The following GRAP2 variants were observed in gnomAD, a reference collection of about 807,000 sequenced individuals.
GRAP2 encodes GRB2-related adapter protein 2.
GRAP2 carries 31 observed loss-of-function variants against 43.5 expected under a neutral mutation model. The ratio of observed to expected loss-of-function variants is 0.71; its 90% CI spans 0.54 to 0.96. GRAP2 has a LOEUF of 0.96. Among genes scored for constraint, GRAP2 ranks in the 40% least tolerant of loss-of-function variants. The probability of loss-of-function intolerance (pLI) is 0.00; values close to 1 mark genes in which losing one functional copy is unlikely to be tolerated. For synonymous variants in GRAP2, 156 were observed against 164.8 expected (o/e 0.95, Z 0.41); for missense variants, 371 against 424.4 (o/e 0.87, Z 1.11).
Position 39,970,797 on chromosome 22 carries a change from G to A in GRAP2, c.814-108G>A, listed in dbSNP as rs2067232950. 9 of 1,033,006 alleles carry A rather than the reference G, an allele frequency of 8.7e-6. 1 individual carries two copies. In the South Asian group the frequency reaches 1.2e-4, roughly 14 times the overall value. 64.0% of individuals were successfully genotyped at this position (1,033,006 alleles called of 1,614,324 possible). On this transcript the variant is annotated intron_variant, in intron 7 of 7. Coordinates refer to ENST00000344138, the MANE Select transcript of GRAP2 (RefSeq NM_004810.4). ...TAAGCTGCAGAGGGGTCAGCCTTCAGGGAATGTTGCTCTCAAAGACTTGGA... is the reference window on the plus strand; with the variant it reads ...TAAGCTGCAGAGGGGTCAGCCTTCAAGGAATGTTGCTCTCAAAGACTTGGA...
At chr22:39,964,890 C>T (rs1044363308) in intron 4 of GRAP2, among the ~76,000 whole-genome samples, 4 of 152,130 alleles carry the variant, frequency 2.6e-5, no homozygotes, top group Admixed American at 2.6e-4. Context: ...TAAACCAACT[C>T]ATTTGAAAGA....
intron 1 of GRAP2, among the ~76,000 whole-genome samples, chr22:39,943,549 G>T (rs1275781584): frequency 6.6e-6 from 1 of 152,044 alleles, no homozygotes; most frequent in Non-Finnish European, 1.5e-5. Context: ...AGGTTGGCGG[G>T]GTGGGGGTTG....
chr22:39,910,482 C>T (rs549515821), intron 1 of GRAP2, among the ~76,000 whole-genome samples: 7 of 152,078 alleles, frequency 4.6e-5, no homozygotes, highest in Non-Finnish European at 7.4e-5. Context: ...AATCTCGGCT[C>T]ACTGCAACCT....
chr22:39,972,352 TG>T lies in GRAP2; in HGVS notation c.*1271del, dbSNP rs2067254430. Reference sequence around the variant, plus strand: ...CAAGTGCACTCGGAGTTTGTGGGTATGGGTGTGTACCCCTGCAGGTGTGCAC... The same window carrying T: ...CAAGTGCACTCGGAGTTTGTGGGTATGGTGTGTACCCCTGCAGGTGTGCAC... On this transcript the variant is annotated 3_prime_UTR_variant, in exon 8 of 8. Transcript: ENST00000344138. The T allele has an allele frequency of 6.6e-6, 1 of 152,364 alleles. No homozygotes were observed. Among genetic ancestry groups the T allele is most frequent in the Non-Finnish European group, 1.5e-5 (1 of 68,098 alleles). The allele number at this position is 152,364 out of a possible 1,614,324, so 9.4% of individuals were successfully genotyped here.
chr22:39,908,649 T>C (rs2066538874), intron 1 of GRAP2, among the ~76,000 whole-genome samples: 1 of 152,216 alleles, frequency 6.6e-6, no homozygotes, highest in Non-Finnish European at 1.5e-5. Flanking sequence ...CCTGCAGCTG[T>C]GAATGCAGAA....
chr22:39,958,090 C>T (rs998724734), intron 3 of GRAP2, among the ~76,000 whole-genome samples: 1 of 152,148 alleles, frequency 6.6e-6, no homozygotes, highest in South Asian at 2.1e-4. Context: ...TCCCCATGGG[C>T]TGTAGCTCCC....
At chr22:39,912,237 A>G (rs2066572235) in intron 1 of GRAP2, among the ~76,000 whole-genome samples, 1 of 152,222 alleles carries the variant, frequency 6.6e-6, no homozygotes, top group Non-Finnish European at 1.5e-5. Context: ...CCTGGGCAAC[A>G]TAGCGAGATC....
chr22:39,900,705 T>C (rs939503163), upstream of GRAP2, among the ~76,000 whole-genome samples: 1 of 152,200 alleles, frequency 6.6e-6, no homozygotes, highest in South Asian at 2.1e-4. Flanking sequence ...AAGAGTAATA[T>C]TAGAGGCTGA....
In GRAP2 at chr22:39,926,678, T is replaced by G. The variant is rs1601702711; in HGVS notation, c.-14-20415T>G. 3 of 985,306 alleles carry G rather than the reference T, an allele frequency of 3.0e-6. No individual in the cohort carries two copies. In the African/African-American group the frequency reaches 5.2e-5, roughly 17 times the overall value. The allele number at this position is 985,306 out of a possible 1,614,324, so 61.0% of individuals were successfully genotyped here. On this transcript the variant is annotated intron_variant, in intron 1 of 7. Coordinates refer to ENST00000344138, the MANE Select transcript of GRAP2 (RefSeq NM_004810.4). ...GGCTCTCAGGAGCTGTTTGGAAAAT[T>G]CGTTGCCATGCATGAGTCGGGGGAT...
At chr22:39,898,158 T>A (rs2066473081), upstream of GRAP2, among the ~76,000 whole-genome samples, 1 of 152,250 alleles carries the variant, frequency 6.6e-6, no homozygotes. Context: ...ATCCAGGAAG[T>A]ACTGGCTTCT....
At chr22:39,948,336 G>A (rs1338902352) in intron 2 of GRAP2, 1 of 152,020 alleles carries the variant, frequency 6.6e-6, no homozygotes, top group East Asian at 1.9e-4. Context: ...ACTGCTTTGG[G>A]GTCTTACGAA....
At chr22:39,964,508 C>T (rs1044803074) in intron 4 of GRAP2, 8 of 1,019,618 alleles carry the variant, frequency 7.8e-6, no homozygotes, top group East Asian at 2.4e-5. Flanking sequence ...GTGCTAAAAG[C>T]GAAGGTCGTG....
intron 1 of GRAP2, among the ~76,000 whole-genome samples, chr22:39,901,980 T>C (rs2066496390): frequency 2.0e-5 from 3 of 152,362 alleles, no homozygotes; most frequent in South Asian, 2.1e-4. Context: ...AACGTGAGGA[T>C]TGAACATACC....
chr22:39,917,056 A>G (rs1225117473), intron 1 of GRAP2, among the ~76,000 whole-genome samples: 1 of 152,262 alleles, frequency 6.6e-6, no homozygotes, highest in Non-Finnish European at 1.5e-5. Context: ...TTTGGTATTC[A>G]TTAGAAATCA....
rs73885609 is a variant in GRAP2, at chr22:39,908,262, C to T, written c.-15+6932C>T. 6.6e-3 allele frequency among the ~76,000 whole-genome samples: 1,003 copies of T among 152,322 alleles called. 14 individuals are homozygous for T. The highest frequency in any genetic ancestry group is 0.023 in the African/African-American group (952 of 41,554). ...ATAAGAGCTGGCATCCAATTCTTAA[C>T]GGATTCCCTTGCAATGTCCAAATCC... On this transcript the variant is annotated intron_variant, in intron 1 of 7. Transcript: ENST00000344138.
intron 2 of GRAP2, chr22:39,948,393 G>C (rs530176003): frequency 9.1e-4 from 138 of 152,252 alleles, no homozygotes; most frequent in African/African-American, 3.2e-3. Context: ...TGCCTTCTCT[G>C]TGGGGCACTG....
intron 2 of GRAP2, among the ~76,000 whole-genome samples, chr22:39,948,957 T>C (rs1386893384): frequency 6.6e-6 from 1 of 152,180 alleles, no homozygotes; most frequent in Admixed American, 6.5e-5. Context: ...ATTTTTCTTC[T>C]CACTCTGAGC....
In GRAP2 at chr22:39,971,405, T is replaced by C. The variant is rs1422099643; in HGVS notation, c.*321T>C. 1 of 317,094 alleles carries C rather than the reference T, an allele frequency of 3.2e-6. No individual in the cohort carries two copies. The highest frequency in any genetic ancestry group is 5.7e-6 in the Non-Finnish European group (1 of 174,394). 19.6% of individuals were successfully genotyped at this position (317,094 alleles called of 1,614,324 possible). A position where few individuals can be genotyped will look rare whatever the true frequency, so the allele number is the denominator to read the frequency against. Reference sequence around the variant, plus strand: ...CCTTCAGCTGTCACTGCTTCCTCCTTGTCTTGGGAATTTTCACGGAGAACA... The same window carrying C: ...CCTTCAGCTGTCACTGCTTCCTCCTCGTCTTGGGAATTTTCACGGAGAACA... On this transcript the variant is annotated 3_prime_UTR_variant, in exon 8 of 8. Transcript: ENST00000344138.
intron 1 of GRAP2, among the ~76,000 whole-genome samples, chr22:39,913,909 T>C (rs1350590474): frequency 6.6e-6 from 1 of 152,126 alleles, no homozygotes; most frequent in Non-Finnish European, 1.5e-5. Flanking sequence ...GCGAGTGTCT[T>C]TCATCCCACC....
Sources: gnomAD v4.1 joint callset for allele counts (sites outside exome capture counted in the v4.1 genomes callset) on GRCh38, gnomAD v4.1.1 for gene constraint, MANE v1.5 for transcripts, NCBI Gene and HGNC (gene_info 2026-07-23, HGNC 2026-07-21) for gene names.